TMEFF2: variants seen among roughly 807,000 people sequenced by gnomAD.
TMEFF2 encodes tomoregulin-2.
In TMEFF2, 28 loss-of-function variants were observed where a neutral mutation model predicts 53.8. That is an observed-to-expected ratio of 0.52 (90% CI 0.39 to 0.71). The LOEUF (loss-of-function observed/expected upper bound fraction) is 0.71, where lower values mean the gene tolerates loss of function less well. Ranked by LOEUF, TMEFF2 falls within the 30% of genes least tolerant of loss-of-function variation. TMEFF2 has a pLI of 0.00. For missense variants in TMEFF2, 353 were observed against 455.2 expected, an observed-to-expected ratio of 0.78 and a Z score of 2.04; for synonymous variants, 162 against 166.3, an observed-to-expected ratio of 0.97 and a Z score of 0.20.
intron 4 of TMEFF2, among the ~76,000 whole-genome samples, chr2:192,110,378 A>G (rs1463482353): frequency 6.6e-6 from 1 of 152,016 alleles, no homozygotes; most frequent in Non-Finnish European, 1.5e-5. Context: ...GGATATAGAC[A>G]ATTATAAACA....
At chr2:191,958,055 C>T (rs1375317960) in intron 7 of TMEFF2, among the ~76,000 whole-genome samples, 1 of 152,114 alleles carries the variant, frequency 6.6e-6, no homozygotes, top group African/African-American at 2.4e-5. Flanking sequence ...GTGAAATTTC[C>T]CACATGGGAA....
chr2:191,963,683 C>G (rs1181476048), intron 7 of TMEFF2, among the ~76,000 whole-genome samples: 1 of 152,146 alleles, frequency 6.6e-6, no homozygotes, highest in Non-Finnish European at 1.5e-5. Flanking sequence ...ATGAATATTT[C>G]TTGAGTAGCT....
chr2:192,027,652 G>A (rs1302371536), intron 5 of TMEFF2, among the ~76,000 whole-genome samples: 4 of 152,192 alleles, frequency 2.6e-5, no homozygotes, highest in Non-Finnish European at 5.9e-5. Context: ...GAGAAGTGAT[G>A]GGCAGGGCTG....
chr2:192,053,300 A>T lies in TMEFF2; in HGVS notation c.536+4379T>A, dbSNP rs534783787. On this transcript the variant is annotated intron_variant, in intron 5 of 9. Coordinates refer to ENST00000272771, the MANE Select transcript of TMEFF2 (RefSeq NM_016192.4). ...GACTTTCTTCTGAACTCAAAAACTC[A>T]TCTAACTATGAAAACATGATCAGCT... 9.5e-4 allele frequency among the ~76,000 whole-genome samples: 145 copies of T among 152,266 alleles called. No homozygotes were observed. In the South Asian group the frequency reaches 0.012, roughly 13 times the overall value.
At chr2:192,141,459 G>GAAAAAAAA (rs397987092) in intron 4 of TMEFF2, among the ~76,000 whole-genome samples, 1 of 107,262 alleles carries the variant, frequency 9.3e-6, no homozygotes, top group Non-Finnish European at 1.8e-5. Context: ...TCTCAAAAAA[G>GAAAAAAAA]AAAAAAAAAA....
At chr2:192,025,015 C>T (rs991824023) in intron 5 of TMEFF2, among the ~76,000 whole-genome samples, 1 of 152,036 alleles carries the variant, frequency 6.6e-6, no homozygotes, top group African/African-American at 2.4e-5. Context: ...TATACTGTTG[C>T]CTATTATAAA....
chr2:192,134,311 G>A (rs1689941241), intron 4 of TMEFF2, among the ~76,000 whole-genome samples: 1 of 152,012 alleles, frequency 6.6e-6, no homozygotes, highest in African/African-American at 2.4e-5. Context: ...CCCCATGACT[G>A]CATCTCTCTG....
At chr2:192,168,409 CA>C (rs1258273943) in intron 4 of TMEFF2, among the ~76,000 whole-genome samples, 4 of 152,098 alleles carry the variant, frequency 2.6e-5, no homozygotes, top group Admixed American at 6.5e-5. Context: ...ATTCTCTGGC[CA>C]AAGTCATTTG....
At chr2:191,951,724 G>C (rs117783870) in intron 9 of TMEFF2, among the ~76,000 whole-genome samples, 4 of 152,224 alleles carry the variant, frequency 2.6e-5, no homozygotes, top group South Asian at 4.1e-4. Flanking sequence ...CTGGGAATTG[G>C]TGTGCTTTAT....
chr2:191,986,105 T>A (rs1007796813), intron 7 of TMEFF2, among the ~76,000 whole-genome samples: 24 of 152,188 alleles, frequency 1.6e-4, no homozygotes, highest in African/African-American at 4.8e-4. Flanking sequence ...TGCCATTGAG[T>A]GTTTTAATAG....
Position 192,194,510 on chromosome 2 carries a change from C to T in TMEFF2, c.15G>A (p.Glu5=). 6.2e-7 allele frequency: 1 copy of T among 1,613,526 alleles called. No homozygotes were observed. Among genetic ancestry groups the T allele is most frequent in the Non-Finnish European group, 8.5e-7 (1 of 1,179,984 alleles). Residue 5 remains glutamate, a synonymous_variant, in exon 1 of 10, where the codon GAG becomes GAA. Coordinates refer to ENST00000272771, the MANE Select transcript of TMEFF2 (RefSeq NM_016192.4). The surrounding 1 kb of genome is among the most constrained non-coding windows in gnomAD (Gnocchi z 4.2). The stretch of plus-strand genomic sequence containing the variant: ...TCCAGCTGCTGCACTGCCGCGGGGA[C>T]TCCCACAGCACCATGACTAGTTCGT... MVLW[E]SPRQCSSWTL... is the part of the protein sequence containing the mutation.
intron 4 of TMEFF2, among the ~76,000 whole-genome samples, chr2:192,104,697 C>CT (rs1689105921): frequency 6.7e-6 from 1 of 149,132 alleles, no homozygotes; most frequent in African/African-American, 2.5e-5. Flanking sequence ...TTCATTTCAT[C>CT]ATTTTTTTTT....
intron 8 of TMEFF2, among the ~76,000 whole-genome samples, chr2:191,956,017 G>A (rs1246292638): frequency 1.3e-5 from 2 of 151,992 alleles, no homozygotes; most frequent in Non-Finnish European, 2.9e-5. Context: ...TCAAATTCTA[G>A]AACAGTTCAG....
At chr2:192,055,008 G>T (rs1687867563) in intron 5 of TMEFF2, among the ~76,000 whole-genome samples, 1 of 150,230 alleles carries the variant, frequency 6.7e-6, no homozygotes, top group Non-Finnish European at 1.5e-5. Context: ...ACCACTTAAA[G>T]AATAATCATT....
At chr2:192,144,240 C>G (rs1313140798) in intron 4 of TMEFF2, among the ~76,000 whole-genome samples, 1 of 152,066 alleles carries the variant, frequency 6.6e-6, no homozygotes. Context: ...TCTCAAATAT[C>G]ACCTGGGAAG....
At chr2:192,165,672 T>G (rs1366167865) in intron 4 of TMEFF2, among the ~76,000 whole-genome samples, 1 of 152,060 alleles carries the variant, frequency 6.6e-6, no homozygotes, top group Non-Finnish European at 1.5e-5. Flanking sequence ...TCCACTCCCT[T>G]TCCTCTCCAA....
At chr2:192,096,667 TC>T (rs1688913600) in intron 4 of TMEFF2, among the ~76,000 whole-genome samples, 137 of 32,976 alleles carry the variant, frequency 4.2e-3, no homozygotes, top group African/African-American at 7.4e-3. Flanking sequence ...TCTCTCTCTC[TC>T]TCTTTTTTTT....
chr2:192,030,803 C>T (rs923738711), intron 5 of TMEFF2: 1 of 152,076 alleles, frequency 6.6e-6, no homozygotes, highest in Admixed American at 6.6e-5. Context: ...GACTTAGCAG[C>T]TGAGTAGATG....
chr2:192,070,317 A>G (rs1688266548), intron 4 of TMEFF2, among the ~76,000 whole-genome samples: 1 of 151,796 alleles, frequency 6.6e-6, no homozygotes, highest in South Asian at 2.1e-4. Context: ...AATTAATGAC[A>G]AAATTTTTGA....
Sources: gnomAD v4.1 joint callset for allele counts (sites outside exome capture counted in the v4.1 genomes callset) on GRCh38, gnomAD v4.1.1 for gene constraint, Gnocchi (gnomAD v3.1) non-coding constraint, MANE v1.5 for transcripts, NCBI Gene and HGNC (gene_info 2026-07-23, HGNC 2026-07-21) for gene names.